The following MLLT3 variants were observed in gnomAD, a reference collection of about 807,000 sequenced individuals.
MLLT3 encodes the protein protein AF-9.
MLLT3 carries 4 observed loss-of-function variants against 53.2 expected under a neutral mutation model. The observed-to-expected ratio is 0.08, with a 90% CI of 0.04 to 0.17. The LOEUF (loss-of-function observed/expected upper bound fraction) is 0.17. MLLT3 is among the 10% of genes least tolerant of loss of function. The pLI, the probability that MLLT3 is intolerant of heterozygous loss-of-function variation, is 1.00. For synonymous variants in MLLT3, 283 were observed against 230.6 expected (o/e 1.23, Z -2.06); for missense variants, 569 against 684.0 (o/e 0.83, Z 1.87).
At chr9:20,357,981 GCACACA>G (rs3222132) in intron 8 of MLLT3, among the ~76,000 whole-genome samples, 83 of 139,448 alleles carry the variant, frequency 6.0e-4, no homozygotes, top group South Asian at 1.9e-3. Context: ...TCCCTCCTGC[GCACACA>G]CACACACACA....
At chr9:20,464,770 G>A (rs1341773004) in intron 2 of MLLT3, among the ~76,000 whole-genome samples, 1 of 152,032 alleles carries the variant, frequency 6.6e-6, no homozygotes, top group African/African-American at 2.4e-5. Flanking sequence ...TTCACCTCCA[G>A]CACTACTTAG....
At chr9:20,589,895 G>T (rs1563833210) in intron 2 of MLLT3, among the ~76,000 whole-genome samples, 3 of 151,990 alleles carry the variant, frequency 2.0e-5, no homozygotes, top group Non-Finnish European at 4.4e-5. Context: ...ATTTTTAGTA[G>T]AGATGGGGTT....
At chr9:20,560,216 GA>G (rs897273106) in intron 2 of MLLT3, among the ~76,000 whole-genome samples, 10 of 150,614 alleles carry the variant, frequency 6.6e-5, no homozygotes, top group East Asian at 1.9e-4. Flanking sequence ...TTAAAGTGAA[GA>G]AAAAAAAATC....
In MLLT3 at chr9:20,393,705, G is replaced by C. The variant is rs144400545; in HGVS notation, c.1125+20016C>G. 4.6e-4 allele frequency among the ~76,000 whole-genome samples: 70 copies of C among 152,284 alleles called. 1 individual carries two copies. The East Asian group carries it at 9.6e-3, about 21-fold the overall frequency. On this transcript the variant is annotated intron_variant, in intron 5 of 10. Coordinates refer to ENST00000380338, the MANE Select transcript of MLLT3 (RefSeq NM_004529.4). ...TTATTGCGTGATAAAAGTAATGCTA[G>C]TTGACAGAGGAGAAAAGTCATTATT...
chr9:20,501,683 G>A (rs1051608011), intron 2 of MLLT3, among the ~76,000 whole-genome samples: 4 of 151,182 alleles, frequency 2.6e-5, no homozygotes, highest in East Asian at 2.0e-4. Context: ...CCCGGGAAGC[G>A]GAGCTTGCCG....
At chr9:20,512,812 C>A (rs1004654894) in intron 2 of MLLT3, among the ~76,000 whole-genome samples, 1 of 152,214 alleles carries the variant, frequency 6.6e-6, no homozygotes, top group Admixed American at 6.5e-5. Context: ...CATGACTAAA[C>A]GCATCTCCAC....
intron 2 of MLLT3, among the ~76,000 whole-genome samples, chr9:20,509,377 A>C (rs1364610647): frequency 6.6e-6 from 1 of 152,156 alleles, no homozygotes; most frequent in African/African-American, 2.4e-5. Context: ...GTGGGGGAAA[A>C]GCTTTTACTG....
chr9:20,604,510 C>G (rs1820515371), intron 2 of MLLT3, among the ~76,000 whole-genome samples: 1 of 151,952 alleles, frequency 6.6e-6, no homozygotes, highest in South Asian at 2.1e-4. Flanking sequence ...AAAATATAAT[C>G]ATGTTAAAAT....
chr9:20,520,727 GC>G (rs1423747613), intron 2 of MLLT3, among the ~76,000 whole-genome samples: 1 of 152,306 alleles, frequency 6.6e-6, no homozygotes, highest in Non-Finnish European at 1.5e-5. Context: ...GCACAAGTTA[GC>G]CAATCCTAAG....
rs531293831 is a variant in MLLT3, at chr9:20,459,719, A to AT, written c.194-2934dup. Among the ~76,000 whole-genome samples, 34 of 151,670 alleles carry AT rather than the reference A, an allele frequency of 2.2e-4. No homozygotes were observed. In the South Asian group the frequency reaches 5.2e-3, roughly 23 times the overall value. On this transcript the variant is annotated intron_variant, in intron 2 of 10. Transcript: ENST00000380338. Reference sequence around the variant, plus strand: ...ACATCTTATCGTTGAATATCTTTGGATTTTTTTTTCCCCACCCTTTAAAGG... The same window carrying AT: ...ACATCTTATCGTTGAATATCTTTGGATTTTTTTTTTCCCCACCCTTTAAAGG...
intron 5 of MLLT3, among the ~76,000 whole-genome samples, chr9:20,392,697 A>C (rs1345657549): frequency 6.6e-6 from 1 of 152,136 alleles, no homozygotes; most frequent in African/African-American, 2.4e-5. Context: ...CAGCTTCCAT[A>C]TCTTTATGAA....
At chr9:20,561,282 A>C (rs772950351) in intron 2 of MLLT3, among the ~76,000 whole-genome samples, 3 of 152,110 alleles carry the variant, frequency 2.0e-5, no homozygotes, top group Non-Finnish European at 2.9e-5. Context: ...AAATGAGGGA[A>C]ATCATTGGCA....
At chr9:20,506,377 G>T (rs768331369) in intron 2 of MLLT3, among the ~76,000 whole-genome samples, 24 of 152,124 alleles carry the variant, frequency 1.6e-4, no homozygotes, top group Non-Finnish European at 3.1e-4. Context: ...TGAGCTTCCT[G>T]GGACCACTGG....
intron 2 of MLLT3, among the ~76,000 whole-genome samples, chr9:20,510,371 G>C (rs1704211235): frequency 1.3e-5 from 2 of 152,150 alleles, no homozygotes. Context: ...CCAGCACTTT[G>C]GGAGGCCAAG....
At chr9:20,615,482 A>C (rs12335409) in intron 2 of MLLT3, among the ~76,000 whole-genome samples, 2,487 of 151,924 alleles carry the variant, frequency 0.016, 71 homozygotes, top group African/African-American at 0.057. Context: ...TTGTTAGGTA[A>C]TCATTCACCG....
intron 2 of MLLT3, among the ~76,000 whole-genome samples, chr9:20,498,736 G>C (rs1487521077): frequency 6.6e-6 from 1 of 152,100 alleles, no homozygotes; most frequent in Admixed American, 6.5e-5. Context: ...CCAAAAGATT[G>C]GACACCCCTG....
At chr9:20,371,712 A>G (rs1476342671) in intron 5 of MLLT3, among the ~76,000 whole-genome samples, 1 of 152,220 alleles carries the variant, frequency 6.6e-6, no homozygotes, top group Non-Finnish European at 1.5e-5. Flanking sequence ...GAGATGCACA[A>G]GGAGATTAAT....
intron 2 of MLLT3, among the ~76,000 whole-genome samples, chr9:20,471,821 A>T (rs1409016843): frequency 6.6e-6 from 1 of 151,310 alleles, no homozygotes; most frequent in Non-Finnish European, 1.5e-5. Context: ...GCCCCTAAGG[A>T]TGTCACCTAC....
intron 2 of MLLT3, among the ~76,000 whole-genome samples, chr9:20,516,138 T>G (rs1278250244): frequency 6.6e-6 from 1 of 152,010 alleles, no homozygotes; most frequent in Admixed American, 6.6e-5. Context: ...GCCTCAGATA[T>G]CTCCTGACTC....
Sources: allele counts gnomAD v4.1 joint callset (sites outside exome capture counted in the v4.1 genomes callset), GRCh38; gene constraint gnomAD v4.1.1; transcripts MANE v1.5; gene names NCBI Gene and HGNC (gene_info 2026-07-23, HGNC 2026-07-21).